HIF1A: variants seen among roughly 807,000 people sequenced by gnomAD.
The protein encoded by HIF1A is hypoxia inducible factor 1 subunit alpha, also known as hypoxia-inducible factor 1-alpha.
Under a neutral mutation model 92.7 loss-of-function variants are expected in HIF1A, and 24 were observed. That is an observed-to-expected ratio of 0.26 (90% CI 0.19 to 0.36). The LOEUF is 0.36. Ranked by LOEUF, HIF1A falls within the 10% of genes least tolerant of loss-of-function variation. The probability of loss-of-function intolerance (pLI) is 1.00; values close to 1 mark genes in which losing one functional copy is unlikely to be tolerated. For missense variants in HIF1A, 799 were observed against 998.5 expected, an observed-to-expected ratio of 0.80 and a Z score of 2.69; for synonymous variants, 319 against 338.7, an observed-to-expected ratio of 0.94 and a Z score of 0.64.
intron 1 of HIF1A, among the ~76,000 whole-genome samples, chr14:61,698,393 T>A (rs552115094): frequency 6.6e-6 from 1 of 152,340 alleles, no homozygotes; most frequent in African/African-American, 2.4e-5. Flanking sequence ...CCTCTGAGCC[T>A]CTTTCCTCCT....
intron 1 of HIF1A, among the ~76,000 whole-genome samples, chr14:61,700,156 C>T (rs1327132865): frequency 6.6e-6 from 1 of 151,896 alleles, no homozygotes; most frequent in Non-Finnish European, 1.5e-5. Context: ...TTTTTAAAAT[C>T]GTAGTTCAAA....
rs1395700132 is a variant in HIF1A at position 61,720,571 on chromosome 14, T to C, written c.225T>C (p.Ala75=). The change falls in exon 2 of 15, where the codon GCT becomes GCC. Residue 75 remains alanine, a splice_region_variant and synonymous_variant. Transcript: ENST00000337138. ...TGCGTGTGAGGAAACTTCTGGATGC[T>C]GGTGAGTTATTTTACAAGGGTATAA... is the stretch of plus-strand genomic sequence containing the variant. ...SYLRVRKLLD[A]GDLDIEDDMK... The C allele has an allele frequency of 6.3e-7, 1 of 1,588,664 alleles. No homozygotes were observed. The highest frequency in any genetic ancestry group is 8.6e-7 in the Non-Finnish European group (1 of 1,167,556).
At chr14:61,745,655 A>G in intron 13 of HIF1A, 36 bp from the exon 14 acceptor site, 1 of 1,589,254 alleles carries the variant, frequency 6.3e-7, no homozygotes, top group Non-Finnish European at 8.6e-7. Flanking sequence ...AAAAAAATTC[A>G]ACAAACTAAA....
At chr14:61,698,450 A>C (rs1444476733) in intron 1 of HIF1A, among the ~76,000 whole-genome samples, 1 of 152,210 alleles carries the variant, frequency 6.6e-6, no homozygotes, top group Non-Finnish European at 1.5e-5. Flanking sequence ...GTTATTGTAA[A>C]GGTTAAATGA....
At chr14:61,696,629 C>A (rs2044120052) in intron 1 of HIF1A, among the ~76,000 whole-genome samples, 1 of 151,950 alleles carries the variant, frequency 6.6e-6, no homozygotes, top group Non-Finnish European at 1.5e-5. Flanking sequence ...GTCACGAGAA[C>A]GCAGATATTA....
intron 9 of HIF1A, 24 bp from the exon 10 acceptor site, chr14:61,738,063 T>G: frequency 6.5e-7 from 1 of 1,549,132 alleles, no homozygotes; most frequent in South Asian, 1.2e-5. Flanking sequence ...ATACTTTAGA[T>G]TGACTCATAT....
In HIF1A at chr14:61,741,049, A is replaced by T; in HGVS notation, c.1954A>T (p.Thr652Ser). The T allele has an allele frequency of 6.2e-7, 1 of 1,614,060 alleles. No homozygotes were observed. The change falls in exon 12 of 15, where the codon ACT becomes TCT. Residue 652 changes from threonine (T) to serine (S), a missense_variant. Physicochemically the swap from Thr to Ser is moderately conservative, Grantham distance 58. Around this residue, in one of 2 missense-constraint regions of HIF1A, gnomAD observed 283 missense variants for 277.5 expected, o/e 1.02. Transcript: ENST00000337138. ...TCCTACCCACATACATAAAGAAACT[A>T]CTAGTGCCACATCATCACCATATAG... ...PSPTHIHKET[T>S]SATSSPYRDT... is the part of the protein sequence containing the mutation.
chr14:61,726,622 C>A, intron 4 of HIF1A, 84 bp from the exon 5 acceptor site: 2 of 733,970 alleles, frequency 2.7e-6, no homozygotes, highest in Non-Finnish European at 4.5e-6. Flanking sequence ...TTCAGTTGAT[C>A]TAGGTGATGG....
chr14:61,714,502 G>A (rs559628812), intron 1 of HIF1A, among the ~76,000 whole-genome samples: 37 of 152,258 alleles, frequency 2.4e-4, no homozygotes, highest in Non-Finnish European at 4.3e-4. Context: ...ATTAGACCTT[G>A]AGAGTTACCT....
Position 61,695,710 on chromosome 14 carries a change from T to G in HIF1A, c.-95T>G, listed in dbSNP as rs1464243028. On this transcript the variant is annotated 5_prime_UTR_variant, in exon 1 of 15. Transcript: ENST00000337138. ...GCACCCCCACCTCTGGACTTGCCTT[T>G]CCTTCTCTTCTCCGCGTGTGGAGGG... 11 of 1,387,966 alleles carry G rather than the reference T, an allele frequency of 7.9e-6. No homozygotes were observed. The highest frequency in any genetic ancestry group is 1.4e-5 in the African/African-American group (1 of 69,484). 86.0% of individuals were successfully genotyped at this position (1,387,966 alleles called of 1,614,324 possible). A position where few individuals can be genotyped will look rare whatever the true frequency, so the allele number is the denominator to read the frequency against.
intron 3 of HIF1A, 26 bp from the exon 4 acceptor site, chr14:61,721,713 C>G: frequency 6.2e-7 from 1 of 1,610,198 alleles, no homozygotes; most frequent in African/African-American, 1.3e-5. Context: ...ATGATCTAGC[C>G]CTAATTTTTA....
chr14:61,736,950 G>A lies in HIF1A; in HGVS notation c.1090G>A (p.Val364Ile), dbSNP rs747770607. The change falls in exon 9 of 15, where the codon GTT becomes ATT. Residue 364 changes from valine to isoleucine, a missense_variant. Around this residue, in one of 2 missense-constraint regions of HIF1A, gnomAD observed 516 missense variants for 721.0 expected, o/e 0.72. Coordinates refer to ENST00000337138, the MANE Select transcript of HIF1A (RefSeq NM_001530.4). The stretch of plus-strand genomic sequence containing the variant: ...ACAAACAGAATGTGTCCTTAAACCG[G>A]TTGAATCTTCAGATATGAAAATGAC... ...LQQTECVLKP[V>I]ESSDMKMTQL... 56 of 1,613,940 alleles carry A rather than the reference G, an allele frequency of 3.5e-5. No homozygotes were observed. Among genetic ancestry groups the A allele is most frequent in the Non-Finnish European group, 4.7e-5 (55 of 1,179,960 alleles).
intron 1 of HIF1A, among the ~76,000 whole-genome samples, chr14:61,701,636 C>G (rs2044177393): frequency 6.6e-6 from 1 of 152,136 alleles, no homozygotes; most frequent in South Asian, 2.1e-4. Flanking sequence ...TCTACCCTCC[C>G]CCTTTCCATT....
intron 1 of HIF1A, among the ~76,000 whole-genome samples, chr14:61,699,885 AGGC>A (rs1188047908): frequency 6.6e-6 from 1 of 152,162 alleles, no homozygotes; most frequent in Non-Finnish European, 1.5e-5. Context: ...AATTAACTAT[AGGC>A]TTTGGAATTT....
At chr14:61,711,657 T>G (rs1002883215) in intron 1 of HIF1A, among the ~76,000 whole-genome samples, 17 of 152,204 alleles carry the variant, frequency 1.1e-4, no homozygotes, top group Admixed American at 9.2e-4. Context: ...TTTTTCTACT[T>G]CAGGAAGATG....
chr14:61,738,729 C>A (rs2044669491), intron 10 of HIF1A, among the ~76,000 whole-genome samples: 1 of 152,054 alleles, frequency 6.6e-6, no homozygotes, highest in South Asian at 2.1e-4. Context: ...ATACCTGTTA[C>A]CCCTTTTAGT....
chr14:61,738,063 T>C (rs969751130), intron 9 of HIF1A, 24 bp from the exon 10 acceptor site: 2 of 1,549,132 alleles, frequency 1.3e-6, no homozygotes, highest in Non-Finnish European at 1.7e-6. Context: ...ATACTTTAGA[T>C]TGACTCATAT....
At chr14:61,742,983 A>G (rs2044732628) in intron 12 of HIF1A, among the ~76,000 whole-genome samples, 3 of 151,810 alleles carry the variant, frequency 2.0e-5, no homozygotes, top group Non-Finnish European at 4.4e-5. Flanking sequence ...ACTATCAGCT[A>G]CAGAGGATGG....
chr14:61,701,242 C>CA lies in HIF1A; in HGVS notation c.35+5403_35+5404insA, dbSNP rs2044172472. On this transcript the variant is annotated intron_variant, in intron 1 of 14. Transcript: ENST00000337138. ...CTTTATTTTAAAATTTCACCTTAAC[C>CA]GGTTACAGTTTTAACCATAAAGATT... Among the ~76,000 whole-genome samples, 13 of 152,172 alleles carry CA rather than the reference C, an allele frequency of 8.5e-5. No individual in the cohort carries two copies. In the South Asian group the frequency reaches 2.7e-3, roughly 32 times the overall value.
Sources: gnomAD v4.1 joint callset for allele counts (sites outside exome capture counted in the v4.1 genomes callset) on GRCh38, gnomAD v4.1.1 for gene constraint, gnomAD v4.1.1 regional missense constraint, MANE v1.5 for transcripts, NCBI Gene and HGNC (gene_info 2026-07-23, HGNC 2026-07-21) for gene names.